The following ACVR1 variants were observed in gnomAD, a reference collection of about 807,000 sequenced individuals.
ACVR1 encodes activin receptor type-1.
Under a neutral mutation model 57.1 loss-of-function variants are expected in ACVR1, and 38 were observed. The ratio of observed to expected loss-of-function variants is 0.67; its 90% CI spans 0.51 to 0.87. ACVR1 has a LOEUF of 0.87. ACVR1 is among the 40% of genes least tolerant of loss of function. ACVR1 has a pLI of 0.00. For synonymous variants in ACVR1, 212 were observed against 228.1 expected (o/e 0.93, Z 0.63); for missense variants, 463 against 638.2 (o/e 0.73, Z 2.96).
chr2:157,797,399 C>CATT (rs1385230312), intron 3 of ACVR1, among the ~76,000 whole-genome samples: 1 of 152,160 alleles, frequency 6.6e-6, no homozygotes, highest in Non-Finnish European at 1.5e-5. Flanking sequence ...GTAACAAGGG[C>CATT]ATTAGTCTTA....
rs1468115704 is a variant in ACVR1, at chr2:157,809,007, A to C, written c.-8+9378T>G. 2.6e-5 allele frequency among the ~76,000 whole-genome samples: 4 copies of C among 152,240 alleles called. No homozygotes were observed. In the East Asian group the frequency reaches 7.7e-4, roughly 29 times the overall value. On this transcript the variant is annotated intron_variant, in intron 2 of 10. Transcript: ENST00000434821. The stretch of plus-strand genomic sequence containing the variant: ...GAGGCAAGAACCCTGGTCTTTACAA[A>C]AAGGAACTCTTGAAAGACCCCTTAT...
intron 3 of ACVR1, among the ~76,000 whole-genome samples, chr2:157,790,619 G>T (rs534287408): frequency 6.6e-6 from 1 of 152,184 alleles, no homozygotes; most frequent in Non-Finnish European, 1.5e-5. Context: ...AATATCATTT[G>T]TGAGCCACCT....
At chr2:157,825,539 T>C (rs553719376) in intron 1 of ACVR1, among the ~76,000 whole-genome samples, 1 of 152,306 alleles carries the variant, frequency 6.6e-6, no homozygotes, top group South Asian at 2.1e-4. Context: ...ATCAGATCAG[T>C]GGCAGCATTA....
At chr2:157,808,552 T>A (rs1434270014) in intron 2 of ACVR1, among the ~76,000 whole-genome samples, 1 of 152,144 alleles carries the variant, frequency 6.6e-6, no homozygotes, top group Non-Finnish European at 1.5e-5. Context: ...AGACCTTGGG[T>A]GTACCAGACA....
At chr2:157,760,830 G>A in intron 9 of ACVR1, 50 bp downstream of exon 9, 1 of 1,569,534 alleles carries the variant, frequency 6.4e-7, no homozygotes, top group East Asian at 2.3e-5. Flanking sequence ...AAGGTAGCTG[G>A]ATCAAGAGAA....
intron 1 of ACVR1, chr2:157,826,742 AAAGG>A (rs1688374830): frequency 2.4e-4 from 26 of 108,494 alleles, no homozygotes; most frequent in African/African-American, 1.2e-3. Flanking sequence ...AAAGGAAAGG[AAAGG>A]AAAGGAAAGG....
chr2:157,845,396 G>GAGAA (rs752212822), intron 1 of ACVR1, among the ~76,000 whole-genome samples: 7 of 152,178 alleles, frequency 4.6e-5, no homozygotes, highest in Non-Finnish European at 1.0e-4. Flanking sequence ...GAGGCACAGA[G>GAGAA]AGAAGGTCAT....
At chr2:157,816,565 C>A (rs1019885576) in intron 2 of ACVR1, among the ~76,000 whole-genome samples, 22 of 151,956 alleles carry the variant, frequency 1.4e-4, no homozygotes, top group Non-Finnish European at 4.4e-5. Context: ...TCACTGCTCT[C>A]CAGCCTAGGC....
At chr2:157,738,836 G>A (rs1684640016) in intron 9 of ACVR1, among the ~76,000 whole-genome samples, 2 of 152,206 alleles carry the variant, frequency 1.3e-5, no homozygotes, top group South Asian at 4.1e-4. Flanking sequence ...ATAACTATTA[G>A]CAAAATTCTC....
At chr2:157,740,543 A>C (rs1684712656) in intron 9 of ACVR1, among the ~76,000 whole-genome samples, 1 of 152,214 alleles carries the variant, frequency 6.6e-6, no homozygotes, top group South Asian at 2.1e-4. Flanking sequence ...ATTTTTCTGA[A>C]AGAGAATATA....
rs552323929 is a variant in ACVR1, at chr2:157,766,294, A to G, written c.791-98T>C. The G allele has an allele frequency of 5.5e-6, 7 of 1,278,300 alleles. No individual in the cohort carries two copies. The East Asian group carries it at 7.3e-5, about 13-fold the overall frequency. The allele number at this position is 1,278,300 out of a possible 1,614,324, so 79.2% of individuals were successfully genotyped here. A position where few individuals can be genotyped will look rare whatever the true frequency, so the allele number is the denominator to read the frequency against. On this transcript the variant is annotated intron_variant, in intron 7 of 10. Transcript: ENST00000434821. ...ACCTACACAGTAAATGTCATCTGTA[A>G]CAAAAAGTAATTAAACTGACCAATT...
chr2:157,741,370 G>GT (rs1388730805), intron 9 of ACVR1, among the ~76,000 whole-genome samples: 1 of 152,166 alleles, frequency 6.6e-6, no homozygotes, highest in Non-Finnish European at 1.5e-5. Flanking sequence ...GCTCACGCCT[G>GT]TAATCCCAGC....
intron 3 of ACVR1, among the ~76,000 whole-genome samples, chr2:157,782,197 T>A (rs1167803307): frequency 6.6e-6 from 1 of 152,206 alleles, no homozygotes; most frequent in African/African-American, 2.4e-5. Flanking sequence ...GGAAAAATAG[T>A]TCACTGCCCA....
rs1690298562 is a variant in ACVR1, at chr2:157,876,286, T to C, written c.-673A>G. 7.4e-6 allele frequency among the ~76,000 whole-genome samples: 1 copy of C among 134,248 alleles called. No homozygotes were observed. Among genetic ancestry groups the C allele is most frequent in the Non-Finnish European group, 1.6e-5 (1 of 62,156 alleles). 88.1% of individuals were successfully genotyped at this position (134,248 alleles called of 152,430 possible). On this transcript the variant is annotated 5_prime_UTR_variant, in exon 1 of 11. Transcript: ENST00000434821. ...TCACAGAGAGTAGAAAAGTTCCCCC[T>C]GCGCCGAGGGGGAGGCTGCGGCGGC...
chr2:157,774,810 AG>A (rs1160010931), intron 5 of ACVR1, among the ~76,000 whole-genome samples: 1 of 152,210 alleles, frequency 6.6e-6, no homozygotes, highest in Non-Finnish European at 1.5e-5. Flanking sequence ...ACAAAGTTGA[AG>A]GTGTAAATCA....
chr2:157,819,533 T>C (rs1559076095), intron 1 of ACVR1: 3 of 149,864 alleles, frequency 2.0e-5, no homozygotes, highest in Non-Finnish European at 4.4e-5. Flanking sequence ...CAGTACAAAC[T>C]ACAGAATGAA....
intron 9 of ACVR1, among the ~76,000 whole-genome samples, chr2:157,749,391 CCATCTAT>C (rs1685094436): frequency 6.6e-6 from 1 of 152,148 alleles, no homozygotes; most frequent in Non-Finnish European, 1.5e-5. Context: ...TCAACATAGG[CCATCTAT>C]CCAGGGCTTC....
intron 7 of ACVR1, 41 bp downstream of exon 7, chr2:157,770,327 T>G: frequency 6.2e-7 from 1 of 1,610,894 alleles, no homozygotes; most frequent in Non-Finnish European, 8.5e-7. Context: ...CAATTGTTTC[T>G]CCCTAGATAC....
At chr2:157,801,939 C>A (rs928747732) in intron 2 of ACVR1, among the ~76,000 whole-genome samples, 4 of 152,086 alleles carry the variant, frequency 2.6e-5, no homozygotes, top group Non-Finnish European at 4.4e-5. Context: ...TATTAGGAAC[C>A]TAAAATAGTA....
Sources: allele counts gnomAD v4.1 joint callset (sites outside exome capture counted in the v4.1 genomes callset), GRCh38; gene constraint gnomAD v4.1.1; transcripts MANE v1.5; gene names NCBI Gene and HGNC (gene_info 2026-07-23, HGNC 2026-07-21).